TDRD1: variants seen among roughly 807,000 people sequenced by gnomAD.
TDRD1 encodes tudor domain-containing protein 1.
TDRD1 carries 37 observed loss-of-function variants against 140.6 expected under a neutral mutation model. That is an observed-to-expected ratio of 0.26 (90% CI 0.20 to 0.35). The LOEUF (loss-of-function observed/expected upper bound fraction) is 0.35, where lower values mean the gene tolerates loss of function less well. Ranked by LOEUF, TDRD1 falls within the 10% of genes least tolerant of loss-of-function variation. The pLI is 1.00. For synonymous variants in TDRD1, 506 were observed against 475.7 expected, an observed-to-expected ratio of 1.06 and a Z score of -0.83; for missense variants, 1,243 against 1,393.0, an observed-to-expected ratio of 0.89 and a Z score of 1.71.
intron 11 of TDRD1, among the ~76,000 whole-genome samples, chr10:114,207,338 T>C (rs1227397775): frequency 1.3e-5 from 2 of 152,330 alleles, no homozygotes; most frequent in East Asian, 3.9e-4. Context: ...CCTAATTGGT[T>C]GCCAAGTCTT....
At chr10:114,227,367 G>C in intron 23 of TDRD1, 68 bp downstream of exon 23, 1 of 1,154,502 alleles carries the variant, frequency 8.7e-7, no homozygotes, top group Admixed American at 1.8e-5. Context: ...CAATTTAGTT[G>C]ACTTGACCTT....
intron 1 of TDRD1, among the ~76,000 whole-genome samples, chr10:114,183,285 A>C (rs1212237913): frequency 6.6e-6 from 1 of 152,184 alleles, no homozygotes; most frequent in African/African-American, 2.4e-5. Context: ...GAAGATGACT[A>C]TACGCTAGTT....
At chr10:114,227,991 C>T (rs767867227) in intron 24 of TDRD1, 35 bp downstream of exon 24, 5 of 1,611,688 alleles carry the variant, frequency 3.1e-6, no homozygotes, top group Non-Finnish European at 4.2e-6. Context: ...AATTATACTC[C>T]TAACGTTTTT....
At chr10:114,212,915 G>A (rs975516792) in intron 14 of TDRD1, among the ~76,000 whole-genome samples, 48 of 152,270 alleles carry the variant, frequency 3.2e-4, no homozygotes, top group African/African-American at 1.1e-3. Flanking sequence ...ACCCTGGTAT[G>A]GTCTCTCGTG....
chr10:114,206,445 A>G (rs945879543), intron 11 of TDRD1, 115 bp downstream of exon 11: 1 of 699,446 alleles, frequency 1.4e-6, no homozygotes, highest in South Asian at 2.0e-5. Context: ...TAAACATCCT[A>G]TGAGCAATTT....
intron 1 of TDRD1, among the ~76,000 whole-genome samples, chr10:114,181,389 A>T (rs2033050294): frequency 6.6e-6 from 1 of 152,260 alleles, no homozygotes; most frequent in African/African-American, 2.4e-5. Flanking sequence ...GGGCCTGTGC[A>T]GCAATAATCT....
At chr10:114,224,289 T>G (rs1372303590) in intron 21 of TDRD1, among the ~76,000 whole-genome samples, 1 of 152,230 alleles carries the variant, frequency 6.6e-6, no homozygotes, top group Non-Finnish European at 1.5e-5. Flanking sequence ...GTCAAAAGAT[T>G]AATGTTATTC....
intron 20 of TDRD1, among the ~76,000 whole-genome samples, chr10:114,222,134 A>G (rs1329465819): frequency 1.3e-5 from 2 of 152,218 alleles, no homozygotes; most frequent in African/African-American, 4.8e-5. Context: ...TATCTCTAAT[A>G]CTACAAAAGG....
At chr10:114,204,009 G>A (rs1589683894) in intron 8 of TDRD1, 64 bp from the exon 9 acceptor site, 1 of 1,556,070 alleles carries the variant, frequency 6.4e-7, no homozygotes, top group African/African-American at 1.4e-5. Flanking sequence ...TTGATTGAGG[G>A]TTTTTTAATC....
At chr10:114,191,431 C>T (rs1036083792) in intron 3 of TDRD1, among the ~76,000 whole-genome samples, 4 of 152,102 alleles carry the variant, frequency 2.6e-5, no homozygotes, top group Non-Finnish European at 2.9e-5. Context: ...ATGCATATTT[C>T]GACAATTTTG....
At chr10:114,220,769 C>T in exon 19 of TDRD1, 1 of 1,611,112 alleles carries the variant, frequency 6.2e-7, no homozygotes, top group Non-Finnish European at 8.5e-7. Flanking sequence ...AAATCTGCTT[C>T]ACCACATAAA....
chr10:114,225,558 T>TTAA (rs1376997867), intron 21 of TDRD1, among the ~76,000 whole-genome samples: 1 of 146,958 alleles, frequency 6.8e-6, no homozygotes, highest in African/African-American at 2.5e-5. Flanking sequence ...TCTACGCATT[T>TTAA]AAAAAAAAAA....
chr10:114,200,372 T>TTTGTTG (rs147704940), intron 4 of TDRD1, among the ~76,000 whole-genome samples: 1 of 151,790 alleles, frequency 6.6e-6, no homozygotes, highest in Non-Finnish European at 1.5e-5. Context: ...TCTTTGTGGG[T>TTTGTTG]TTGTTGTTGT....
At chr10:114,216,569 G>C (rs2035827900) in intron 16 of TDRD1, among the ~76,000 whole-genome samples, 1 of 152,180 alleles carries the variant, frequency 6.6e-6, no homozygotes, top group Admixed American at 6.5e-5. Flanking sequence ...GATAAATACA[G>C]GATTAGTGGT....
intron 22 of TDRD1, among the ~76,000 whole-genome samples, chr10:114,226,557 T>C (rs1251187102): frequency 6.6e-6 from 1 of 152,130 alleles, no homozygotes; most frequent in Non-Finnish European, 1.5e-5. Flanking sequence ...TCATTTGGGG[T>C]CTTTCTGCTT....
chr10:114,211,740 G>A, intron 13 of TDRD1, 126 bp from the exon 14 acceptor site: 1 of 930,384 alleles, frequency 1.1e-6, no homozygotes. Context: ...AGTAAACATT[G>A]TTCTATAAGC....
chr10:114,228,858 C>G lies in TDRD1; in HGVS notation c.3538+733C>G, dbSNP rs1243415625. 9 of 844,992 alleles carry G rather than the reference C, an allele frequency of 1.1e-5. No individual in the cohort carries two copies. In the African/African-American group the frequency reaches 1.3e-4, roughly 12 times the overall value. 52.3% of individuals were successfully genotyped at this position (844,992 alleles called of 1,614,324 possible). A position where few individuals can be genotyped will look rare whatever the true frequency, so the allele number is the denominator to read the frequency against. Reference sequence around the variant, plus strand: ...CAGCACTTTGGGAGGCTGAGGCGGGCAGATCACCTGAGCCCAGGCGTTCGA... The same window carrying G: ...CAGCACTTTGGGAGGCTGAGGCGGGGAGATCACCTGAGCCCAGGCGTTCGA... On this transcript the variant is annotated intron_variant, in intron 25 of 25. Transcript: ENST00000251864.
intron 2 of TDRD1, among the ~76,000 whole-genome samples, chr10:114,189,174 C>T (rs1017649700): frequency 6.6e-6 from 1 of 152,192 alleles, no homozygotes; most frequent in Non-Finnish European, 1.5e-5. Flanking sequence ...ATGCCAACTT[C>T]AGTTAAAAAT....
chr10:114,228,600 G>T, intron 25 of TDRD1: 2 of 985,416 alleles, frequency 2.0e-6, no homozygotes, highest in Non-Finnish European at 2.4e-6. Context: ...GGGCTGCACT[G>T]AGGGTATTTT....
Sources: gnomAD v4.1 joint callset for allele counts (sites outside exome capture counted in the v4.1 genomes callset) on GRCh38, gnomAD v4.1.1 for gene constraint, MANE v1.5 for transcripts, NCBI Gene and HGNC (gene_info 2026-07-23, HGNC 2026-07-21) for gene names.